OPHN1: variants seen among roughly 807,000 people sequenced by gnomAD.
The protein encoded by OPHN1 is oligophrenin-1.
In OPHN1, 11 loss-of-function variants were observed where a neutral mutation model predicts 60.7. The ratio of observed to expected loss-of-function variants is 0.18; its 90% CI spans 0.11 to 0.30. The LOEUF is 0.30. Ranked by LOEUF, OPHN1 falls within the 10% of genes least tolerant of loss-of-function variation. The pLI is 1.00. For synonymous variants in OPHN1, 226 were observed against 222.6 expected (o/e 1.02, Z -0.14); for missense variants, 449 against 611.0 (o/e 0.73, Z 2.80).
chrX:68,188,856 G>A (rs369167985), intron 15 of OPHN1, among the ~76,000 whole-genome samples: 3 of 111,852 alleles, frequency 2.7e-5, no homozygotes, highest in Non-Finnish European at 3.8e-5. Context: ...TTATGAAAAT[G>A]GAAAAATGAC....
chrX:68,341,921 T>G (rs1200022618), intron 2 of OPHN1, among the ~76,000 whole-genome samples: 1 of 110,763 alleles, frequency 9.0e-6, no homozygotes, highest in Non-Finnish European at 1.9e-5. Flanking sequence ...AAAATTTGCA[T>G]ATTTATTCTT....
At chrX:68,314,293 G>A (rs745365286) in intron 2 of OPHN1, among the ~76,000 whole-genome samples, 50 of 110,347 alleles carry the variant, frequency 4.5e-4, no homozygotes, top group Non-Finnish European at 6.8e-4. Context: ...AGGCTGAGGC[G>A]GGTGGATCAC....
chrX:68,056,029 C>G (rs1009063038), intron 21 of OPHN1, among the ~76,000 whole-genome samples: 46 of 110,635 alleles, frequency 4.2e-4, no homozygotes, highest in African/African-American at 1.5e-3. Flanking sequence ...GTGCAGCACA[C>G]CAATATGGCA....
chrX:68,237,376 C>A (rs1366028254), intron 5 of OPHN1, among the ~76,000 whole-genome samples: 3 of 112,070 alleles, frequency 2.7e-5, no homozygotes, highest in Non-Finnish European at 5.6e-5. Flanking sequence ...GATCATCTTA[C>A]CAATTTGTGT....
rs771814634 is a variant in OPHN1 at position 68,085,472 on chromosome X, C to T, written c.1686+11398G>A. Among the ~76,000 whole-genome samples the T allele has an allele frequency of 2.7e-5, 3 of 111,940 alleles. No homozygotes were observed. The Admixed American group carries it at 2.8e-4, about 11-fold the overall frequency. ...TTTATCTCCAGCAGAACATAAGACCCACAAAAAAGGGCCTTTGTTTTGTTT... is the reference window on the plus strand; with the variant it reads ...TTTATCTCCAGCAGAACATAAGACCTACAAAAAAGGGCCTTTGTTTTGTTT... On this transcript the variant is annotated intron_variant, in intron 19 of 24. Coordinates refer to ENST00000355520, the MANE Select transcript of OPHN1 (RefSeq NM_002547.3).
At chrX:68,263,162 T>A (rs1162524706) in intron 5 of OPHN1, among the ~76,000 whole-genome samples, 1 of 111,827 alleles carries the variant, frequency 8.9e-6, no homozygotes, top group African/African-American at 3.3e-5. Context: ...ATGTGTTCAC[T>A]ATTAGTTCAG....
intron 2 of OPHN1, among the ~76,000 whole-genome samples, chrX:68,366,139 A>G (rs2078497807): frequency 9.1e-6 from 1 of 109,464 alleles, no homozygotes. Context: ...TACCCAGAAT[A>G]AGAGTCAGGG....
chrX:68,343,200 G>A (rs2078362110), intron 2 of OPHN1, among the ~76,000 whole-genome samples: 1 of 107,487 alleles, frequency 9.3e-6, no homozygotes, highest in African/African-American at 3.4e-5. Flanking sequence ...CTTGAACCCA[G>A]GAGGTGGAGG....
intron 15 of OPHN1, among the ~76,000 whole-genome samples, chrX:68,160,865 G>A (rs780782471): frequency 5.5e-5 from 6 of 109,478 alleles, no homozygotes; most frequent in African/African-American, 2.0e-4. Flanking sequence ...TAAGGCCCTG[G>A]GAAAATAGCA....
intron 15 of OPHN1, among the ~76,000 whole-genome samples, chrX:68,121,725 C>T (rs991123999): frequency 9.2e-6 from 1 of 108,366 alleles, no homozygotes; most frequent in African/African-American, 3.4e-5. Flanking sequence ...GTCCTTGCAC[C>T]ACCCCACACA....
At chrX:68,222,184 G>T (rs759230408) in intron 6 of OPHN1, among the ~76,000 whole-genome samples, 2 of 107,340 alleles carry the variant, frequency 1.9e-5, no homozygotes, top group Non-Finnish European at 3.8e-5. Flanking sequence ...AAAAATGCTC[G>T]TCATCACTGG....
intron 10 of OPHN1, 49 bp from the exon 11 acceptor site, chrX:68,201,759 A>C (rs771955611): frequency 9.5e-7 from 1 of 1,050,066 alleles, no homozygotes. Flanking sequence ...AAGACACAGA[A>C]GCTGTTTCTG....
intron 2 of OPHN1, among the ~76,000 whole-genome samples, chrX:68,425,415 G>A (rs1230602474): frequency 8.9e-6 from 1 of 112,061 alleles, no homozygotes; most frequent in East Asian, 2.8e-4. Flanking sequence ...AGAAAGAACC[G>A]TAAATATTAT....
intron 2 of OPHN1, among the ~76,000 whole-genome samples, chrX:68,408,922 C>T (rs1044834767): frequency 8.9e-6 from 1 of 112,701 alleles, no homozygotes; most frequent in Non-Finnish European, 1.9e-5. Context: ...GATCGTGCTA[C>T]TGCACTCCAG....
chrX:68,132,383 G>A (rs1224370080), intron 15 of OPHN1, among the ~76,000 whole-genome samples: 3 of 107,581 alleles, frequency 2.8e-5, no homozygotes, highest in Non-Finnish European at 5.7e-5. Flanking sequence ...AAAATGATGA[G>A]TTCATGTCCT....
intron 22 of OPHN1, among the ~76,000 whole-genome samples, chrX:68,052,838 CT>C (rs1194168416): frequency 8.9e-6 from 1 of 112,533 alleles, no homozygotes; most frequent in African/African-American, 3.2e-5. Flanking sequence ...GAGTCAGGCT[CT>C]TCTTGGGGGA....
At chrX:68,386,879 G>A (rs1162662215) in intron 2 of OPHN1, among the ~76,000 whole-genome samples, 1 of 111,675 alleles carries the variant, frequency 9.0e-6, no homozygotes, top group African/African-American at 3.3e-5. Flanking sequence ...TGTGTGGGTC[G>A]GTTTATTTTA....
At chrX:68,207,289 C>T (rs12008970) in intron 9 of OPHN1, among the ~76,000 whole-genome samples, 13,303 of 108,043 alleles carry the variant, frequency 0.12, 2,135 homozygotes, top group African/African-American at 0.43. Context: ...CCACCACGCC[C>T]GGCTAACTTT....
At chrX:68,243,630 C>T (rs996690269) in intron 5 of OPHN1, among the ~76,000 whole-genome samples, 6 of 111,016 alleles carry the variant, frequency 5.4e-5, no homozygotes, top group Non-Finnish European at 7.6e-5. Flanking sequence ...TCGAGTAATC[C>T]GCCCGTCTTG....
Sources: gnomAD v4.1 joint callset for allele counts (sites outside exome capture counted in the v4.1 genomes callset) on GRCh38, gnomAD v4.1.1 for gene constraint, MANE v1.5 for transcripts, NCBI Gene and HGNC (gene_info 2026-07-23, HGNC 2026-07-21) for gene names.